Variants in CLN3 observed in about 807,000 individuals in gnomAD.
CLN3 encodes the protein CLN3 lysosomal/endosomal transmembrane protein, battenin, also known as battenin.
CLN3 carries 49 observed loss-of-function variants against 60.7 expected under a neutral mutation model. The ratio of observed to expected loss-of-function variants is 0.81; its 90% CI spans 0.64 to 1.02. The LOEUF (loss-of-function observed/expected upper bound fraction) is 1.02. Ranked by LOEUF, CLN3 falls within the 50% of genes least tolerant of loss-of-function variation. The pLI, the probability that CLN3 is intolerant of heterozygous loss-of-function variation, is 0.00. For missense variants in CLN3, 516 were observed against 557.4 expected (o/e 0.93, Z 0.75); for synonymous variants, 256 against 245.8 (o/e 1.04, Z -0.39).
rs1159088297 is a variant in CLN3, at chr16:28,482,208, G to T, written c.963-10C>A. On this transcript the variant is annotated splice_polypyrimidine_tract_variant and intron_variant, in intron 13 of 15. Coordinates refer to ENST00000636147, the MANE Select transcript of CLN3 (RefSeq NM_001042432.2). ...GTACAGCATCTGGTACCTGAGGTTA[G>T]GGTTGGGGGGAGGAGAGGAGGCTCC... 2.5e-6 allele frequency: 4 copies of T among 1,611,068 alleles called. No homozygotes were observed.
At position 28,484,265 on chromosome 16, in the gene CLN3, G is replaced by A. The variant is rs974633856; in HGVS notation, c.678-147C>T. 4.8e-5 allele frequency: 33 copies of A among 684,048 alleles called. No homozygotes were observed. In the Admixed American group the frequency reaches 7.0e-4, roughly 14 times the overall value. The allele number at this position is 684,048 out of a possible 1,614,324, so 42.4% of individuals were successfully genotyped here. On this transcript the variant is annotated intron_variant, in intron 9 of 15. Transcript: ENST00000636147. ...TCACTGCCTCTAAGGCTCCTACGCT[G>A]TGCGGGAGAGCTCCAATTGTGGACA...
At chr16:28,485,683 T>C (rs1484660663) in intron 9 of CLN3, among the ~76,000 whole-genome samples, 6 of 121,142 alleles carry the variant, frequency 5.0e-5, no homozygotes, top group Non-Finnish European at 1.0e-4. Context: ...TCAACACTGA[T>C]TAAAAAAAAA....
downstream of CLN3, chr16:28,477,134 AAAACAAACAAAC>A (rs533413452): frequency 8.7e-4 from 282 of 324,130 alleles, no homozygotes; most frequent in African/African-American, 4.1e-3. Flanking sequence ...AGACTCTGTC[AAAACAAACAAAC>A]AAACAAACAA....
downstream of CLN3, among the ~76,000 whole-genome samples, chr16:28,470,834 G>A (rs1190824630): frequency 8.1e-5 from 11 of 135,044 alleles, no homozygotes; most frequent in South Asian, 5.9e-4. Context: ...GACACGCGGG[G>A]CAAGGGAGCG....
chr16:28,488,657 G>A lies in CLN3; in HGVS notation c.228C>T (p.Asp76=). The A allele has an allele frequency of 4.3e-6, 7 of 1,614,144 alleles. No individual in the cohort carries two copies. The highest frequency in any genetic ancestry group is 5.9e-6 in the Non-Finnish European group (7 of 1,179,982). Residue 76 remains aspartate (D), a synonymous_variant, in exon 5 of 16, where the codon GAC becomes GAT. Coordinates refer to ENST00000636147, the MANE Select transcript of CLN3 (RefSeq NM_001042432.2). The part of the protein sequence containing the change: ...KRTSGNQSHV[D]PGPTPIPHNS... ...TGTGGGGGATCGGCGTTGGGCCTGG[G>A]TCCACCTAATGGGAGAAAAGCATGT...
At chr16:28,471,798 T>C (rs1432659105), downstream of CLN3, among the ~76,000 whole-genome samples, 1 of 149,636 alleles carries the variant, frequency 6.7e-6, no homozygotes, top group Admixed American at 6.7e-5. Flanking sequence ...ACTGCCTGTG[T>C]GTGTGGACTT....
chr16:28,473,371 A>G (rs2045967485), downstream of CLN3, among the ~76,000 whole-genome samples: 1 of 152,132 alleles, frequency 6.6e-6, no homozygotes, highest in South Asian at 2.1e-4. Flanking sequence ...GGCATGAGCC[A>G]CCACGCCCGG....
intron 15 of CLN3, 38 bp downstream of exon 15, chr16:28,477,699 G>A (rs1168012646): frequency 2.5e-6 from 4 of 1,614,134 alleles, no homozygotes; most frequent in Non-Finnish European, 3.4e-6. Context: ...GGTGTCCCTG[G>A]ACAGGCCACC....
chr16:28,482,806 T>A, intron 10 of CLN3, 134 bp from the exon 11 acceptor site: 1 of 941,918 alleles, frequency 1.1e-6, no homozygotes, highest in Non-Finnish European at 1.7e-6. Context: ...ATTGGACACT[T>A]AAAAATGGTT....
At chr16:28,481,383 G>A (rs2046087883) in intron 14 of CLN3, among the ~76,000 whole-genome samples, 1 of 150,282 alleles carries the variant, frequency 6.7e-6, no homozygotes, top group African/African-American at 2.4e-5. Context: ...TTACAGGCAT[G>A]AGCCACCTGG....
chr16:28,488,634 T>C lies in CLN3; in HGVS notation c.251A>G (p.His84Arg), dbSNP rs2046262515. 1 of 1,614,138 alleles carries C rather than the reference T, an allele frequency of 6.2e-7. No individual in the cohort carries two copies. The highest frequency in any genetic ancestry group is 1.3e-5 in the African/African-American group (1 of 75,040). ...GCAGTCAAATCGTGATGAGCTGTTG[T>C]GGGGGATCGGCGTTGGGCCTGGGTC... is the stretch of plus-strand genomic sequence containing the variant. ...HVDPGPTPIPHNSSSRFDCNS... is the reference protein window; with the variant it reads ...HVDPGPTPIPRNSSSRFDCNS... Residue 84 changes from histidine to arginine, a missense_variant, in exon 5 of 16, where the codon CAC (histidine) becomes CGC (arginine). Coordinates refer to ENST00000636147, the MANE Select transcript of CLN3 (RefSeq NM_001042432.2).
chr16:28,477,966 A>G, intron 14 of CLN3, 89 bp from the exon 15 acceptor site: 1 of 1,486,060 alleles, frequency 6.7e-7, no homozygotes, highest in South Asian at 1.2e-5. Context: ...TGGTTTTAGG[A>G]GTTACTGGTG....
intron 5 of CLN3, 68 bp from the exon 6 acceptor site, chr16:28,487,809 G>A: frequency 7.6e-7 from 1 of 1,307,740 alleles, no homozygotes. Flanking sequence ...ACGTGGCCAA[G>A]GAGAGGCAGG....
At chr16:28,485,932 C>T (rs377360832) in intron 9 of CLN3, among the ~76,000 whole-genome samples, 267 of 152,016 alleles carry the variant, frequency 1.8e-3, no homozygotes, top group African/African-American at 5.8e-3. Context: ...GTCCAGATTC[C>T]GCCTCCCTTC....
rs199979207 is a variant in CLN3 at position 28,477,461 on chromosome 16, G to T, written c.*55C>A. The T allele has an allele frequency of 7.0e-4, 1,129 of 1,609,964 alleles. 12 individuals are homozygous for T. Among genetic ancestry groups the T allele is most frequent in the Middle Eastern group, 1.6e-3 (7 of 4,508 alleles). ...GTCTCTGGGGTGGGCCTGGGTGTCT[G>T]ACCTGTCCCTCTGCCCACAGGTGAA... is the stretch of plus-strand genomic sequence containing the variant. On this transcript the variant is annotated 3_prime_UTR_variant, in exon 16 of 16. Coordinates refer to ENST00000636147, the MANE Select transcript of CLN3 (RefSeq NM_001042432.2).
Position 28,482,140 on chromosome 16 carries a change from G to A in CLN3, c.1021C>T (p.Arg341Cys), listed in dbSNP as rs775195638. 30 of 1,613,574 alleles carry A rather than the reference G, an allele frequency of 1.9e-5. No homozygotes were observed. The highest frequency in any genetic ancestry group is 2.3e-5 in the Non-Finnish European group (27 of 1,179,926). Residue 341 changes from arginine (R) to cysteine (C), a missense_variant, in exon 14 of 16, where the codon CGC (arginine) becomes TGC (cysteine). Physicochemically the swap from Arg to Cys is radical, Grantham distance 180. Coordinates refer to ENST00000636147, the MANE Select transcript of CLN3 (RefSeq NM_001042432.2). ...FASRSSLRCC[R>C]IRFTWALALL... ...GCCAGGGCCCAGGTGAAACGGATGC[G>A]ACAGCAGCGGAGAGAAGAGCGGGAG...
chr16:28,477,134 AAAACAAACAAACAAAC>A (rs533413452), downstream of CLN3: 1 of 321,812 alleles, frequency 3.1e-6, no homozygotes, highest in African/African-American at 2.2e-5. Context: ...AGACTCTGTC[AAAACAAACAAACAAAC>A]AAACAAACAA....
In CLN3 at chr16:28,491,950, A is replaced by G. The variant is rs951687666; in HGVS notation, c.-77+70T>C. Reference sequence around the variant, plus strand: ...CTGGGGGCTCCATCTCGAGCGCCCTACGACCCACCACGCCCCACCCATCGT... The same window carrying G: ...CTGGGGGCTCCATCTCGAGCGCCCTGCGACCCACCACGCCCCACCCATCGT... On this transcript the variant is annotated intron_variant, in intron 1 of 15. Transcript: ENST00000636147. 3.9e-5 allele frequency: 27 copies of G among 698,416 alleles called. No individual in the cohort carries two copies. The African/African-American group carries it at 3.9e-4, about 10-fold the overall frequency. 43.3% of individuals were successfully genotyped at this position (698,416 alleles called of 1,614,324 possible).
At chr16:28,480,262 C>T (rs1391123122) in intron 14 of CLN3, among the ~76,000 whole-genome samples, 1 of 151,732 alleles carries the variant, frequency 6.6e-6, no homozygotes, top group Non-Finnish European at 1.5e-5. Context: ...CTATGTTGTC[C>T]AGTCTGGTCT....
Sources: gnomAD v4.1 joint callset for allele counts (sites outside exome capture counted in the v4.1 genomes callset) on GRCh38, gnomAD v4.1.1 for gene constraint, MANE v1.5 for transcripts, NCBI Gene and HGNC (gene_info 2026-07-23, HGNC 2026-07-21) for gene names.